FAM50B: variants seen among roughly 807,000 people sequenced by gnomAD.
FAM50B encodes family with sequence similarity 50 member B, also known as protein FAM50B.
A neutral mutation model predicts 25.4 loss-of-function variants in FAM50B; 9 were observed. The ratio of observed to expected loss-of-function variants is 0.35; its 90% CI spans 0.21 to 0.62. FAM50B has a LOEUF of 0.62. Ranked by LOEUF, FAM50B falls within the 20% of genes least tolerant of loss-of-function variation. The pLI is 0.73. For synonymous variants in FAM50B, 212 were observed against 204.3 expected, an observed-to-expected ratio of 1.04 and a Z score of -0.32; for missense variants, 372 against 477.9, an observed-to-expected ratio of 0.78 and a Z score of 2.07.
At chr6:3,848,552 T>C (rs1762151501), upstream of FAM50B, among the ~76,000 whole-genome samples, 1 of 152,210 alleles carries the variant, frequency 6.6e-6, no homozygotes, top group African/African-American at 2.4e-5. Flanking sequence ...TTGTTGCTCT[T>C]AGGCGGGAGG....
the FAM50B span, among the ~76,000 whole-genome samples, chr6:3,841,885 C>T: frequency 1.2e-4 from 19 of 152,354 alleles, no homozygotes; most frequent in Middle Eastern, 3.4e-3. Context: ...GCTGCAAACC[C>T]GGCTGTCCCT....
chr6:3,836,457 A>G, the FAM50B span, among the ~76,000 whole-genome samples: 4 of 152,216 alleles, frequency 2.6e-5, no homozygotes, highest in Non-Finnish European at 5.9e-5. Flanking sequence ...GAATCTCAGT[A>G]TCCTTAGCAT....
chr6:3,850,314 A>C lies in FAM50B; in HGVS notation c.503A>C (p.Glu168Ala), dbSNP rs200167230. 48 of 1,613,274 alleles carry C rather than the reference A, an allele frequency of 3.0e-5. No homozygotes were observed. In the African/African-American group the frequency reaches 5.6e-4, roughly 19 times the overall value. Residue 168 changes from glutamate (E) to alanine (A), a missense_variant, in exon 2 of 2, where the codon GAG (glutamate) becomes GCG (alanine). Transcript: ENST00000648326. ...REEEENRLRE[E>A]LRQEWEAQRE... ...GAGGAGGAGAACCGGCTCCGAGAGG[A>C]GCTGCGCCAAGAGTGGGAGGCGCAG...
the FAM50B span, among the ~76,000 whole-genome samples, chr6:3,836,840 T>A: frequency 6.6e-6 from 1 of 152,302 alleles, no homozygotes; most frequent in South Asian, 2.1e-4. Context: ...AAGGACACTA[T>A]GTATTGAAGC....
At chr6:3,847,220 T>C (rs143053894), upstream of FAM50B, among the ~76,000 whole-genome samples, 1,354 of 152,374 alleles carry the variant, frequency 8.9e-3, 21 homozygotes, top group African/African-American at 0.03. Context: ...AAGCCAGGCA[T>C]TGACTTCTCC....
the FAM50B span, among the ~76,000 whole-genome samples, chr6:3,840,084 C>G: frequency 6.6e-6 from 1 of 152,286 alleles, no homozygotes; most frequent in South Asian, 2.1e-4. Context: ...CCTCAGCCTC[C>G]CGGGTTCACG....
chr6:3,832,886 C>T, the FAM50B span, among the ~76,000 whole-genome samples: 1 of 151,814 alleles, frequency 6.6e-6, no homozygotes, highest in South Asian at 2.1e-4. Flanking sequence ...GAGACAGAGT[C>T]TCGCTCTGTC....
At chr6:3,841,044 T>C in the FAM50B span, among the ~76,000 whole-genome samples, 1 of 152,228 alleles carries the variant, frequency 6.6e-6, no homozygotes, top group Non-Finnish European at 1.5e-5. Flanking sequence ...TGTGGATTTC[T>C]TACCACAATC....
At position 3,850,501 on chromosome 6, in the gene FAM50B, C is replaced by G. The variant is rs989432033; in HGVS notation, c.690C>G (p.Ala230=). 2 of 1,613,606 alleles carry G rather than the reference C, an allele frequency of 1.2e-6. No individual in the cohort carries two copies. Among genetic ancestry groups the G allele is most frequent in the East Asian group, 4.5e-5 (2 of 44,884 alleles). Residue 230 remains alanine, a synonymous_variant, in exon 2 of 2, where the codon GCC becomes GCG. Transcript: ENST00000648326. ...AGGACTTCCTGGAGCTGCGCTCCGC[C>G]GGCGTGGAGCAGCTCATGTTCATCA... ...LRKDFLELRS[A]GVEQLMFIKE...
At chr6:3,846,502 C>T (rs1436439277), upstream of FAM50B, among the ~76,000 whole-genome samples, 1 of 152,206 alleles carries the variant, frequency 6.6e-6, no homozygotes, top group Non-Finnish European at 1.5e-5. Flanking sequence ...TTGATGGTTG[C>T]TGACTGATCA....
the FAM50B span, among the ~76,000 whole-genome samples, chr6:3,839,342 G>A: frequency 1.7e-4 from 26 of 152,180 alleles, no homozygotes; most frequent in Non-Finnish European, 2.9e-4. Context: ...TCATCTATTC[G>A]TGAGGGATCC....
the FAM50B span, among the ~76,000 whole-genome samples, chr6:3,833,432 G>T: frequency 1.3e-5 from 2 of 152,196 alleles, no homozygotes; most frequent in African/African-American, 4.8e-5. Flanking sequence ...GACCGTGTGT[G>T]TGTGGTGAGC....
In FAM50B at chr6:3,850,045, G is replaced by A. The variant is rs1302657707; in HGVS notation, c.234G>A (p.Glu78=). The A allele has an allele frequency of 6.2e-7, 1 of 1,613,114 alleles. No individual in the cohort carries two copies. Among genetic ancestry groups the A allele is most frequent in the Admixed American group, 1.7e-5 (1 of 59,958 alleles). ...VTLNDMKARQ[E]ALVRERERQL... ...TGAACGACATGAAGGCCCGGCAGGA[G>A]GCCCTGGTCAGGGAGCGCGAGCGGC... Residue 78 remains glutamate, a synonymous_variant, in exon 2 of 2, where the codon GAG becomes GAA. Coordinates refer to ENST00000648326, the MANE Select transcript of FAM50B (RefSeq NM_012135.3).
chr6:3,849,044 G>A (rs1298273577), upstream of FAM50B, among the ~76,000 whole-genome samples: 1 of 152,326 alleles, frequency 6.6e-6, no homozygotes, highest in Non-Finnish European at 1.5e-5. Context: ...CTTGCGCTGC[G>A]CCCACATTGC....
upstream of FAM50B, chr6:3,849,323 C>G (rs879594112): frequency 2.1e-4 from 32 of 154,694 alleles, no homozygotes; most frequent in Non-Finnish European, 3.9e-4. Flanking sequence ...TACCAGGAGC[C>G]TGGCACTCTC....
At chr6:3,840,287 C>A in the FAM50B span, among the ~76,000 whole-genome samples, 134 of 152,058 alleles carry the variant, frequency 8.8e-4, 2 homozygotes, top group Non-Finnish European at 3.2e-4. Context: ...GCCACCACGT[C>A]CTGCCAAAAC....
rs763048166 is a variant in FAM50B at position 3,850,002 on chromosome 6, C to T, written c.191C>T (p.Thr64Met). The change falls in exon 2 of 2, where the codon ACG becomes ATG. Residue 64 changes from threonine to methionine, a missense_variant. By Grantham distance (81) the Thr-to-Met change is moderately conservative. Transcript: ENST00000648326. ...GTGGAGGCCGAGCTGAAGTCCAGCA[C>T]GGTGGGCCTGGTGACCCTGAACGAC... Reference protein sequence around the residue: ...DAVEAELKSSTVGLVTLNDMK... With the variant: ...DAVEAELKSSMVGLVTLNDMK... The T allele has an allele frequency of 2.5e-6, 4 of 1,613,782 alleles. No individual in the cohort carries two copies. The highest frequency in any genetic ancestry group is 4.5e-5 in the East Asian group (2 of 44,860).
In FAM50B at chr6:3,850,853, A is replaced by G; in HGVS notation, c.*64A>G. 3 of 1,560,136 alleles carry G rather than the reference A, an allele frequency of 1.9e-6. No homozygotes were observed. In the South Asian group the frequency reaches 3.6e-5, roughly 18 times the overall value. ...ACACTCATTTCTAGGCCCCATCACC[A>G]GTCACTTGATTTCGTGACCTTGATT... On this transcript the variant is annotated 3_prime_UTR_variant, in exon 2 of 2. Coordinates refer to ENST00000648326, the MANE Select transcript of FAM50B (RefSeq NM_012135.3).
the FAM50B span, among the ~76,000 whole-genome samples, chr6:3,837,830 G>C: frequency 6.6e-6 from 1 of 152,118 alleles, no homozygotes; most frequent in Non-Finnish European, 1.5e-5. Flanking sequence ...CAACTCCCAT[G>C]ATAACCCATT....
Sources: gnomAD v4.1 joint callset for allele counts (sites outside exome capture counted in the v4.1 genomes callset) on GRCh38, gnomAD v4.1.1 for gene constraint, MANE v1.5 for transcripts, NCBI Gene and HGNC (gene_info 2026-07-23, HGNC 2026-07-21) for gene names.